FAM91A1: variants seen among roughly 807,000 people sequenced by gnomAD.
FAM91A1 encodes protein FAM91A1.
Under a neutral mutation model 113.5 loss-of-function variants are expected in FAM91A1, and 41 were observed. The observed-to-expected ratio is 0.36, with a 90% CI of 0.28 to 0.47. The LOEUF (loss-of-function observed/expected upper bound fraction) is 0.47. FAM91A1 is among the 20% of genes least tolerant of loss of function. The pLI is 1.00. For missense variants in FAM91A1, 696 were observed against 1,001.2 expected (o/e 0.70, Z 4.11); for synonymous variants, 307 against 347.9 (o/e 0.88, Z 1.31).
At chr8:123,777,499 C>T (rs1815015319) in intron 4 of FAM91A1, among the ~76,000 whole-genome samples, 177 bp downstream of exon 4, 1 of 152,148 alleles carries the variant, frequency 6.6e-6, no homozygotes, top group African/African-American at 2.4e-5. Flanking sequence ...GTAAGATTTA[C>T]TCTAAATGTC....
At chr8:123,786,722 G>A (rs1394401260) in intron 12 of FAM91A1, 112 bp downstream of exon 12, 4 of 813,612 alleles carry the variant, frequency 4.9e-6, no homozygotes, top group Non-Finnish European at 6.2e-6. Context: ...TCAATACGCA[G>A]TCTTTGAGTG....
intron 15 of FAM91A1, among the ~76,000 whole-genome samples, chr8:123,796,602 G>T (rs569728980): frequency 2.8e-4 from 42 of 151,694 alleles, no homozygotes; most frequent in African/African-American, 8.4e-4. Context: ...GGGACTATGG[G>T]TACGTGCTAC....
intron 4 of FAM91A1, 85 bp from the exon 5 acceptor site, chr8:123,777,940 T>C: frequency 8.6e-7 from 1 of 1,158,064 alleles, no homozygotes; most frequent in South Asian, 1.4e-5. Context: ...GAAAATAAGC[T>C]CGGGTTTTTC....
At chr8:123,787,552 C>T (rs557665720) in intron 13 of FAM91A1, 112 bp from the exon 14 acceptor site, 24 of 1,032,744 alleles carry the variant, frequency 2.3e-5, no homozygotes, top group South Asian at 7.0e-5. Context: ...TAGCCCCTCA[C>T]CCCCCAATCC....
chr8:123,768,546 A>C lies in FAM91A1; in HGVS notation c.-157A>C. 1.7e-6 allele frequency: 1 copy of C among 585,314 alleles called. No individual in the cohort carries two copies. Among genetic ancestry groups the C allele is most frequent in the Non-Finnish European group, 2.9e-6 (1 of 343,370 alleles). 36.3% of individuals were successfully genotyped at this position (585,314 alleles called of 1,614,324 possible). ...ACTCGGTTGGCCCGGGCGGCGCTGA[A>C]CTGTCGGGAGCCTAGGCCATGGGGC... On this transcript the variant is annotated 5_prime_UTR_variant, in exon 1 of 24. Coordinates refer to ENST00000334705, the MANE Select transcript of FAM91A1 (RefSeq NM_144963.4).
At chr8:123,788,122 G>A (rs1815302117) in intron 14 of FAM91A1, 2 of 909,268 alleles carry the variant, frequency 2.2e-6, no homozygotes, top group Admixed American at 1.2e-4. Context: ...TTGATTTGAA[G>A]TTTTTGTTCC....
chr8:123,808,398 C>T (rs773193545), intron 21 of FAM91A1, 22 bp downstream of exon 21: 10 of 1,589,886 alleles, frequency 6.3e-6, no homozygotes, highest in Admixed American at 3.4e-5. Context: ...AAACTTTTTC[C>T]AATTTTATTA....
intron 18 of FAM91A1, among the ~76,000 whole-genome samples, chr8:123,804,338 A>T (rs1815752908): frequency 6.6e-6 from 1 of 151,688 alleles, no homozygotes; most frequent in South Asian, 2.1e-4. Flanking sequence ...ATACAAAAAA[A>T]TAGTTAGCCG....
intron 1 of FAM91A1, among the ~76,000 whole-genome samples, chr8:123,772,207 C>T (rs536696448): frequency 2.4e-4 from 37 of 152,328 alleles, no homozygotes; most frequent in Admixed American, 2.2e-3. Flanking sequence ...CCAGTTATTA[C>T]TTAATGCTGA....
chr8:123,788,751 A>T (rs955898424), intron 14 of FAM91A1, among the ~76,000 whole-genome samples: 1 of 152,136 alleles, frequency 6.6e-6, no homozygotes, highest in South Asian at 2.1e-4. Context: ...CTAGTCTTTT[A>T]TCAAATGTAG....
chr8:123,790,668 G>A (rs1294487203), intron 15 of FAM91A1, among the ~76,000 whole-genome samples: 1 of 152,144 alleles, frequency 6.6e-6, no homozygotes, highest in African/African-American at 2.4e-5. Flanking sequence ...TTTAAAAATT[G>A]AGGGAGGATT....
In FAM91A1 at chr8:123,808,367, C is replaced by T; in HGVS notation, c.2128C>T (p.Gln710Ter). Residue 710 changes from glutamine (Q) to a stop codon, truncating the protein, a stop_gained, in exon 21 of 24, where the codon CAA becomes TAA. Coordinates refer to ENST00000334705, the MANE Select transcript of FAM91A1 (RefSeq NM_144963.4). LOFTEE classifies it high-confidence loss of function. ...EEATIDSATKQTSGATTEADW... is the reference protein window; with the variant it reads ...EEATIDSATK The stretch of plus-strand genomic sequence containing the variant: ...AGCAACTATAGATTCAGCAACAAAG[C>T]AAACCTCTGGTATGGTGCTAAAACT... 6.2e-7 allele frequency: 1 copy of T among 1,613,032 alleles called. No individual in the cohort carries two copies. The highest frequency in any genetic ancestry group is 8.5e-7 in the Non-Finnish European group (1 of 1,179,378).
rs957973310 is a variant in FAM91A1 at position 123,780,611 on chromosome 8, C to T, written c.703+69C>T. 1.4e-5 allele frequency: 18 copies of T among 1,253,884 alleles called. No homozygotes were observed. The African/African-American group carries it at 1.7e-4, about 12-fold the overall frequency. 77.7% of individuals were successfully genotyped at this position (1,253,884 alleles called of 1,614,324 possible). On this transcript the variant is annotated intron_variant, in intron 8 of 23. Transcript: ENST00000334705. ...CAGGTGCTAAGCATTGCATATCATC[C>T]GTTCTAGGATCTTAGATGTTAGGAT... is the stretch of plus-strand genomic sequence containing the variant.
At chr8:123,806,354 C>T (rs1815812292) in intron 20 of FAM91A1, 125 bp downstream of exon 20, 2 of 1,030,490 alleles carry the variant, frequency 1.9e-6, no homozygotes, top group African/African-American at 3.2e-5. Context: ...TATTCTTTCA[C>T]TGAAGCACGA....
intron 15 of FAM91A1, among the ~76,000 whole-genome samples, chr8:123,795,373 C>A (rs1049181540): frequency 5.3e-5 from 8 of 152,068 alleles, no homozygotes; most frequent in African/African-American, 1.9e-4. Flanking sequence ...TGGTTTAACA[C>A]ACCACCCCCC....
intron 14 of FAM91A1, chr8:123,788,180 C>T (rs1009487425): frequency 2.5e-5 from 25 of 984,864 alleles, no homozygotes; most frequent in East Asian, 1.1e-4. Context: ...TATTTATGTC[C>T]GCTCTCACTA....
intron 9 of FAM91A1, chr8:123,784,801 A>G (rs1443824504): frequency 7.0e-6 from 3 of 427,852 alleles, no homozygotes; most frequent in South Asian, 4.3e-5. Flanking sequence ...TTTTTGTACT[A>G]AAGTATTGTA....
chr8:123,784,549 A>C lies in FAM91A1; in HGVS notation c.783A>C (p.Ser261=). Residue 261 remains serine, a synonymous_variant, in exon 9 of 24, where the codon TCA becomes TCC. Coordinates refer to ENST00000334705, the MANE Select transcript of FAM91A1 (RefSeq NM_144963.4). ...CTCTACTCTATAAGATATTTGTTTCAATAGATGAGCACACAAATGTTGCAG... is the reference window on the plus strand; with the variant it reads ...CTCTACTCTATAAGATATTTGTTTCCATAGATGAGCACACAAATGTTGCAG... ...FETLLYKIFV[S]IDEHTNVAEL... is the part of the protein sequence containing the mutation. 6.2e-7 allele frequency: 1 copy of C among 1,606,976 alleles called. No individual in the cohort carries two copies. The highest frequency in any genetic ancestry group is 2.3e-5 in the East Asian group (1 of 44,418).
intron 18 of FAM91A1, among the ~76,000 whole-genome samples, chr8:123,802,322 C>G (rs1416719198): frequency 6.6e-6 from 1 of 152,100 alleles, no homozygotes; most frequent in East Asian, 1.9e-4. Flanking sequence ...TAGAATTGAT[C>G]AGATATCTGA....
Sources: allele counts gnomAD v4.1 joint callset (sites outside exome capture counted in the v4.1 genomes callset), GRCh38; gene constraint gnomAD v4.1.1; transcripts MANE v1.5; gene names NCBI Gene and HGNC (gene_info 2026-07-23, HGNC 2026-07-21).